ENTHD1: variants seen among roughly 807,000 people sequenced by gnomAD.
The protein encoded by ENTHD1 is ENTH domain containing 1.
A neutral mutation model predicts 39.1 loss-of-function variants in ENTHD1; 23 were observed. That is an observed-to-expected ratio of 0.59 (90% CI 0.42 to 0.83). The LOEUF is 0.83. Ranked by LOEUF, ENTHD1 falls within the 40% of genes least tolerant of loss-of-function variation. ENTHD1 has a pLI of 0.00. For missense variants in ENTHD1, 624 were observed against 705.4 expected (o/e 0.88, Z 1.31); for synonymous variants, 230 against 258.2 (o/e 0.89, Z 1.05).
chr22:39,847,705 G>A (rs1318089677), intron 3 of ENTHD1, among the ~76,000 whole-genome samples: 3 of 151,868 alleles, frequency 2.0e-5, no homozygotes, highest in African/African-American at 7.3e-5. Context: ...CACACCCAAC[G>A]GGGAAAAACT....
intron 5 of ENTHD1, among the ~76,000 whole-genome samples, chr22:39,783,534 A>T (rs73163072): frequency 2.0e-5 from 3 of 152,060 alleles, no homozygotes; most frequent in Non-Finnish European, 4.4e-5. Flanking sequence ...AATCAGCGTG[A>T]ATAAAAAAAC....
chr22:39,791,198 T>A (rs1051311387), intron 5 of ENTHD1, among the ~76,000 whole-genome samples: 5 of 147,882 alleles, frequency 3.4e-5, no homozygotes, highest in Non-Finnish European at 6.0e-5. Context: ...TTTAAAGATA[T>A]AAAGTCTAAT....
rs1172889758 is a variant in ENTHD1 at position 39,799,238 on chromosome 22, G to A, written c.832+21755C>T. On this transcript the variant is annotated intron_variant, in intron 5 of 6. Transcript: ENST00000325157. ...TATACCTCGGCCCTACCGCAATTGCGGGGAGGGGAGGGTGTGCTCACAGTG... is the reference window on the plus strand; with the variant it reads ...TATACCTCGGCCCTACCGCAATTGCAGGGAGGGGAGGGTGTGCTCACAGTG... Among the ~76,000 whole-genome samples, 4 of 152,190 alleles carry A rather than the reference G, an allele frequency of 2.6e-5. No individual in the cohort carries two copies. The South Asian group carries it at 6.2e-4, about 24-fold the overall frequency.
chr22:39,752,381 T>C (rs1666781949), intron 6 of ENTHD1, among the ~76,000 whole-genome samples: 1 of 152,160 alleles, frequency 6.6e-6, no homozygotes, highest in African/African-American at 2.4e-5. Flanking sequence ...CAACAAGATC[T>C]GTGGTTGATG....
chr22:39,768,650 A>G (rs1443441622), intron 5 of ENTHD1, among the ~76,000 whole-genome samples: 1 of 152,110 alleles, frequency 6.6e-6, no homozygotes, highest in Non-Finnish European at 1.5e-5. Context: ...AAGTTCCTGC[A>G]TTCTGACTTT....
chr22:39,778,214 T>C (rs1303454273), intron 5 of ENTHD1, among the ~76,000 whole-genome samples: 1 of 152,182 alleles, frequency 6.6e-6, no homozygotes, highest in African/African-American at 2.4e-5. Flanking sequence ...GTTCCTGCCA[T>C]GGCCCTGACT....
chr22:39,849,596 C>A (rs1433163158), intron 3 of ENTHD1, among the ~76,000 whole-genome samples: 1 of 152,100 alleles, frequency 6.6e-6, no homozygotes, highest in African/African-American at 2.4e-5. Flanking sequence ...AACATTATAA[C>A]CTACAGTGTA....
At position 39,802,471 on chromosome 22, in the gene ENTHD1, C is replaced by T. The variant is rs146022752; in HGVS notation, c.832+18522G>A. ...GTGTGACATTCTTTCCTCCCCAGTA[C>T]AGGGCAGGACCCCTCTGGAATGAGG... On this transcript the variant is annotated intron_variant, in intron 5 of 6. Coordinates refer to ENST00000325157, the MANE Select transcript of ENTHD1 (RefSeq NM_152512.4). Among the ~76,000 whole-genome samples the T allele has an allele frequency of 3.2e-3, 493 of 152,328 alleles. 9 individuals carry two copies. The highest frequency in any genetic ancestry group is 0.011 in the African/African-American group (469 of 41,574).
At chr22:39,871,811 AG>A (rs2146745597) in intron 2 of ENTHD1, among the ~76,000 whole-genome samples, 1 of 152,360 alleles carries the variant, frequency 6.6e-6, no homozygotes, top group Admixed American at 6.5e-5. Flanking sequence ...TTTAAATAAA[AG>A]TTTTTGGTTT....
rs188084184 is a variant in ENTHD1 at position 39,872,349 on chromosome 22, A to G, written c.350-10342T>C. On this transcript the variant is annotated intron_variant, in intron 2 of 6. Transcript: ENST00000325157. Reference sequence around the variant, plus strand: ...TTTCCAGATATCTTGGCTTTATTCAATTCATTATAATTGCCTTGAAAAGGA... The same window carrying G: ...TTTCCAGATATCTTGGCTTTATTCAGTTCATTATAATTGCCTTGAAAAGGA... 3.9e-5 allele frequency among the ~76,000 whole-genome samples: 6 copies of G among 152,260 alleles called. No individual in the cohort carries two copies. In the South Asian group the frequency reaches 8.3e-4, roughly 21 times the overall value.
At chr22:39,822,631 C>T (rs77783792) in intron 4 of ENTHD1, among the ~76,000 whole-genome samples, 10,984 of 152,152 alleles carry the variant, frequency 0.072, 461 homozygotes, top group South Asian at 0.13. Context: ...CTCCTGCATA[C>T]GGATTATTTC....
At chr22:39,872,934 A>G (rs1034055751) in intron 2 of ENTHD1, among the ~76,000 whole-genome samples, 2 of 150,826 alleles carry the variant, frequency 1.3e-5, no homozygotes, top group African/African-American at 4.9e-5. Flanking sequence ...GGCTCAAGCT[A>G]TCTTTCCACC....
intron 3 of ENTHD1, among the ~76,000 whole-genome samples, chr22:39,838,195 T>C (rs1302962797): frequency 6.6e-6 from 1 of 152,184 alleles, no homozygotes; most frequent in Non-Finnish European, 1.5e-5. Flanking sequence ...ACAGGTTTAA[T>C]TAATAGTTAT....
chr22:39,841,636 A>G (rs1470467396), intron 3 of ENTHD1, among the ~76,000 whole-genome samples: 1 of 150,748 alleles, frequency 6.6e-6, no homozygotes, highest in African/African-American at 2.5e-5. Flanking sequence ...GTGTCTCTGC[A>G]CGTGAGATGG....
chr22:39,821,038 T>C lies in ENTHD1; in HGVS notation c.787A>G (p.Thr263Ala). The change falls in exon 5 of 7, where the codon ACT (threonine) becomes GCT (alanine). Residue 263 changes from threonine to alanine, a missense_variant. Transcript: ENST00000325157. ...ACTTCTTCTGCTTCTGACAAGCAAG[T>C]GATTGGAGAGACAATGGAAGGAGGT... Reference protein sequence around the residue: ...ATPPSIVSPITCLSEAEEVCN... With the variant: ...ATPPSIVSPIACLSEAEEVCN... 2 of 1,614,060 alleles carry C rather than the reference T, an allele frequency of 1.2e-6. No homozygotes were observed. Among genetic ancestry groups the C allele is most frequent in the Non-Finnish European group, 1.7e-6 (2 of 1,179,956 alleles).
At chr22:39,755,246 G>T (rs1027333612) in intron 6 of ENTHD1, among the ~76,000 whole-genome samples, 1 of 152,184 alleles carries the variant, frequency 6.6e-6, no homozygotes, top group African/African-American at 2.4e-5. Flanking sequence ...TGGTTAGGGG[G>T]ATTTGAAATA....
chr22:39,875,558 G>C (rs2146753479), intron 2 of ENTHD1: 2 of 1,611,294 alleles, frequency 1.2e-6, no homozygotes, highest in South Asian at 2.2e-5. Flanking sequence ...TGACTTCTCT[G>C]AATACCGCCG....
At chr22:39,845,874 C>T (rs2065983647) in intron 3 of ENTHD1, among the ~76,000 whole-genome samples, 1 of 149,652 alleles carries the variant, frequency 6.7e-6, no homozygotes, top group Non-Finnish European at 1.5e-5. Flanking sequence ...CATTTTGCGG[C>T]TTTTTTTTTC....
intron 5 of ENTHD1, among the ~76,000 whole-genome samples, chr22:39,812,633 C>T (rs2065698706): frequency 6.6e-6 from 1 of 152,208 alleles, no homozygotes; most frequent in Non-Finnish European, 1.5e-5. Context: ...GGCAGGGGCT[C>T]AACAACATGA....
Sources: allele counts gnomAD v4.1 joint callset (sites outside exome capture counted in the v4.1 genomes callset), GRCh38; gene constraint gnomAD v4.1.1; transcripts MANE v1.5; gene names NCBI Gene and HGNC (gene_info 2026-07-23, HGNC 2026-07-21).